The following RBFOX1 variants were observed in gnomAD, a reference collection of about 807,000 sequenced individuals.
RBFOX1 encodes the protein RNA binding fox-1 homolog 1.
In RBFOX1, 8 loss-of-function variants were observed where a neutral mutation model predicts 57.7. The observed-to-expected ratio is 0.14, with a 90% CI of 0.08 to 0.25. The LOEUF (loss-of-function observed/expected upper bound fraction) is 0.25, where lower values mean the gene tolerates loss of function less well. Ranked by LOEUF, RBFOX1 falls within the 10% of genes least tolerant of loss-of-function variation. The probability of loss-of-function intolerance (pLI) is 1.00; values close to 1 mark genes in which losing one functional copy is unlikely to be tolerated. For missense variants in RBFOX1, 611 were observed against 548.5 expected (o/e 1.11, Z -1.14); for synonymous variants, 326 against 222.4 (o/e 1.47, Z -4.15).
Position 6,799,806 on chromosome 16 carries a change from GCT to G in RBFOX1, c.-16+145159_-16+145160del, listed in dbSNP as rs142844424. On this transcript the variant is annotated intron_variant, in intron 3 of 15. Transcript: ENST00000550418. ...ACTTAACACCAGTGGTTTGCTAGAG[GCT>G]CTTGGGACTTTAGCCACAGACTGAA... Among the ~76,000 whole-genome samples the G allele has an allele frequency of 6.1e-3, 928 of 152,184 alleles. 21 individuals are homozygous for G. The highest frequency in any genetic ancestry group is 0.022 in the African/African-American group (899 of 41,520).
chr16:6,182,747 G>A (rs895296086), intron 1 of RBFOX1, among the ~76,000 whole-genome samples: 1 of 152,034 alleles, frequency 6.6e-6, no homozygotes, highest in African/African-American at 2.4e-5. Context: ...AGTTAAATAG[G>A]GTACCTCTAA....
At chr16:6,648,137 C>G (rs1398722978) in intron 2 of RBFOX1, among the ~76,000 whole-genome samples, 1 of 152,100 alleles carries the variant, frequency 6.6e-6, no homozygotes, top group African/African-American at 2.4e-5. Flanking sequence ...GCCACTGCAC[C>G]CGGCTTCAAG....
intron 4 of RBFOX1, among the ~76,000 whole-genome samples, chr16:7,248,328 C>T (rs575359108): frequency 1.3e-5 from 2 of 152,172 alleles, no homozygotes; most frequent in Non-Finnish European, 2.9e-5. Flanking sequence ...CATAAAGGAC[C>T]GTGCTGTTGG....
chr16:6,246,151 C>T (rs747624820), intron 1 of RBFOX1, among the ~76,000 whole-genome samples: 1 of 152,112 alleles, frequency 6.6e-6, no homozygotes, highest in Non-Finnish European at 1.5e-5. Context: ...AGCTGAGATC[C>T]TCATCATGGT....
chr16:6,067,877 T>A (rs2095787536), intron 1 of RBFOX1, among the ~76,000 whole-genome samples: 1 of 152,254 alleles, frequency 6.6e-6, no homozygotes, highest in South Asian at 2.1e-4. Flanking sequence ...CTTAAGCATA[T>A]GTGCATTTGT....
intron 3 of RBFOX1, among the ~76,000 whole-genome samples, chr16:6,993,092 T>C (rs1247931420): frequency 6.6e-6 from 1 of 152,232 alleles, no homozygotes; most frequent in East Asian, 1.9e-4. Context: ...TTTGTTAGTC[T>C]ACTGCATTCA....
At position 6,331,781 on chromosome 16, in the gene RBFOX1, A is replaced by T. The variant is rs193191341; in HGVS notation, c.-64+14724A>T. Among the ~76,000 whole-genome samples the T allele has an allele frequency of 1.5e-4, 23 of 151,020 alleles. 1 individual carries two copies. The East Asian group carries it at 3.9e-3, about 26-fold the overall frequency. Reference sequence around the variant, plus strand: ...TGTTTCACCTTTTTTTAAAAAAAAAAATTGTATTTATTTGTGTATTGCCCT... The same window carrying T: ...TGTTTCACCTTTTTTTAAAAAAAAATATTGTATTTATTTGTGTATTGCCCT... On this transcript the variant is annotated intron_variant, in intron 2 of 15. Coordinates refer to ENST00000550418, the MANE Select transcript of RBFOX1 (RefSeq NM_018723.4).
Position 6,546,806 on chromosome 16 carries a change from C to T in RBFOX1, c.-63-107797C>T, listed in dbSNP as rs138316247. ...CCTATTCCATTTTCACAAATGGGGT[C>T]ATAGGCTCCATAATAGGACCAAAGA... On this transcript the variant is annotated intron_variant, in intron 2 of 15. Transcript: ENST00000550418. Among the ~76,000 whole-genome samples the T allele has an allele frequency of 3.8e-3, 582 of 152,280 alleles. 9 individuals are homozygous for T. Among genetic ancestry groups the T allele is most frequent in the African/African-American group, 0.013 (544 of 41,546 alleles).
chr16:6,448,868 T>C (rs11077039), intron 2 of RBFOX1, among the ~76,000 whole-genome samples: 84,206 of 151,972 alleles, frequency 0.55, 23,529 homozygotes, highest in East Asian at 0.67. Flanking sequence ...CAATATATTT[T>C]ATTTTGAGTT....
chr16:5,874,705 G>C (rs147655148), intron 4 of RBFOX1, among the ~76,000 whole-genome samples: 29 of 152,296 alleles, frequency 1.9e-4, no homozygotes, highest in African/African-American at 6.7e-4. Flanking sequence ...AGCACTTGGG[G>C]AGGCAGAGAC....
chr16:5,405,772 A>G (rs997370117), intron 1 of RBFOX1, among the ~76,000 whole-genome samples: 3 of 152,072 alleles, frequency 2.0e-5, no homozygotes, highest in South Asian at 4.2e-4. Flanking sequence ...TTGGCCAGTG[A>G]TTGCTTTGGG....
chr16:7,051,550 A>T (rs769638721), intron 3 of RBFOX1, among the ~76,000 whole-genome samples: 1 of 152,202 alleles, frequency 6.6e-6, no homozygotes, highest in Non-Finnish European at 1.5e-5. Context: ...TCCTATGGGG[A>T]CTTACTACCA....
chr16:5,929,395 G>T (rs2059001843), intron 4 of RBFOX1, among the ~76,000 whole-genome samples: 1 of 152,044 alleles, frequency 6.6e-6, no homozygotes, highest in Non-Finnish European at 1.5e-5. Flanking sequence ...CATGGTTCTG[G>T]AAAGAGAATT....
At chr16:5,445,702 C>T (rs117421940) in intron 1 of RBFOX1, among the ~76,000 whole-genome samples, 1 of 152,300 alleles carries the variant, frequency 6.6e-6, no homozygotes, top group East Asian at 1.9e-4. Context: ...CAGCCTGTTA[C>T]TCAGTGTTCA....
At chr16:5,546,607 C>G (rs146624470) in intron 2 of RBFOX1, among the ~76,000 whole-genome samples, 1 of 152,234 alleles carries the variant, frequency 6.6e-6, no homozygotes, top group Non-Finnish European at 1.5e-5. Context: ...CAAAAATTAA[C>G]TGAAAATGCA....
rs551477911 is a variant in RBFOX1, at chr16:6,095,818, C to T, written c.-127+75826C>T. 6.6e-5 allele frequency among the ~76,000 whole-genome samples: 10 copies of T among 152,120 alleles called. No individual in the cohort carries two copies. In the South Asian group the frequency reaches 2.1e-3, roughly 32 times the overall value. On this transcript the variant is annotated intron_variant, in intron 1 of 15. Coordinates refer to ENST00000550418, the MANE Select transcript of RBFOX1 (RefSeq NM_018723.4). ...GAGTCTGGGATCGTTACCAACAGTG[C>T]CTGGTTTTCACTGTGACAAATATGA...
At chr16:6,157,022 G>T (rs923928256) in intron 1 of RBFOX1, among the ~76,000 whole-genome samples, 1 of 152,068 alleles carries the variant, frequency 6.6e-6, no homozygotes, top group Non-Finnish European at 1.5e-5. Flanking sequence ...TTTTTGTAGA[G>T]ATGGGGTCTT....
chr16:7,593,454 C>T (rs1167673197), intron 7 of RBFOX1, among the ~76,000 whole-genome samples: 2 of 152,086 alleles, frequency 1.3e-5, no homozygotes, highest in Admixed American at 6.6e-5. Flanking sequence ...ATACTTTGTG[C>T]ACAAGACTAA....
At chr16:7,518,020 C>G in intron 4 of RBFOX1, 127 bp from the exon 5 acceptor site, 1 of 1,177,786 alleles carries the variant, frequency 8.5e-7, no homozygotes, top group Non-Finnish European at 1.2e-6. Context: ...CCATCTCAGG[C>G]TGGTGGCACC....
Sources: gnomAD v4.1 joint callset for allele counts (sites outside exome capture counted in the v4.1 genomes callset) on GRCh38, gnomAD v4.1.1 for gene constraint, MANE v1.5 for transcripts, NCBI Gene and HGNC (gene_info 2026-07-23, HGNC 2026-07-21) for gene names.